Variants in TDRD9 observed in about 807,000 individuals in gnomAD.
TDRD9 encodes the protein tudor domain containing 9.
In TDRD9, 124 loss-of-function variants were observed where a neutral mutation model predicts 172.6. That is an observed-to-expected ratio of 0.72 (90% CI 0.62 to 0.83). TDRD9 has a LOEUF of 0.83. Among genes scored for constraint, TDRD9 ranks in the 40% least tolerant of loss-of-function variants. The probability of loss-of-function intolerance (pLI) is 0.00; values close to 1 mark genes in which losing one functional copy is unlikely to be tolerated. For missense variants in TDRD9, 1,479 were observed against 1,714.1 expected, an observed-to-expected ratio of 0.86 and a Z score of 2.42; for synonymous variants, 619 against 617.1, an observed-to-expected ratio of 1.00 and a Z score of -0.05.
intron 7 of TDRD9, among the ~76,000 whole-genome samples, chr14:103,977,408 G>T (rs1198760164): frequency 7.2e-6 from 1 of 138,578 alleles, no homozygotes; most frequent in Non-Finnish European, 1.5e-5. Flanking sequence ...CAGGAGAATG[G>T]CATGAACCCG....
chr14:104,016,893 C>T (rs756596973), intron 22 of TDRD9, among the ~76,000 whole-genome samples: 1 of 152,100 alleles, frequency 6.6e-6, no homozygotes, highest in Non-Finnish European at 1.5e-5. Flanking sequence ...AAATAAATAG[C>T]TCATAAGGAA....
rs767939754 is a variant in TDRD9 at position 103,995,808 on chromosome 14, G to C, written c.1378+1G>C. The stretch of plus-strand genomic sequence containing the variant: ...GTCACAGTTCCAGATGTCAAATATG[G>C]TAAGATACTTCTCCGTTTACCTCCT... On this transcript the variant is annotated splice_donor_variant, in intron 12 of 35. Coordinates refer to ENST00000409874, the MANE Select transcript of TDRD9 (RefSeq NM_153046.3). LOFTEE classifies it high-confidence loss of function. 2 of 1,606,908 alleles carry C rather than the reference G, an allele frequency of 1.2e-6. No homozygotes were observed. Among genetic ancestry groups the C allele is most frequent in the East Asian group, 4.5e-5 (2 of 44,650 alleles).
At chr14:104,047,562 A>G (rs1423600330) in intron 34 of TDRD9, among the ~76,000 whole-genome samples, 2 of 151,922 alleles carry the variant, frequency 1.3e-5, no homozygotes, top group Admixed American at 6.6e-5. Flanking sequence ...TTTTTCAAAT[A>G]TTTTTTTCTG....
rs73356331 is a variant in TDRD9 at position 104,042,031 on chromosome 14, G to A, written c.3856-38G>A. The A allele has an allele frequency of 2.0e-3, 2,549 of 1,277,396 alleles. 39 individuals carry two copies. The African/African-American group carries it at 0.032, about 16-fold the overall frequency. 79.1% of individuals were successfully genotyped at this position (1,277,396 alleles called of 1,614,324 possible). A position where few individuals can be genotyped will look rare whatever the true frequency, so the allele number is the denominator to read the frequency against. On this transcript the variant is annotated intron_variant, in intron 33 of 35. Transcript: ENST00000409874. Reference sequence around the variant, plus strand: ...TAACGGGATGAAATTCAGTTACGACGGAGCCTTATGAGTGTTTATGTTGCT... The same window carrying A: ...TAACGGGATGAAATTCAGTTACGACAGAGCCTTATGAGTGTTTATGTTGCT...
chr14:103,964,533 G>GT (rs1429014860), intron 3 of TDRD9, among the ~76,000 whole-genome samples: 2 of 147,086 alleles, frequency 1.4e-5, no homozygotes, highest in East Asian at 3.9e-4. Flanking sequence ...TTGTTTTTTT[G>GT]TTTGTTTGTT....
At chr14:103,967,520 G>A (rs915460237) in intron 5 of TDRD9, among the ~76,000 whole-genome samples, 10 of 152,038 alleles carry the variant, frequency 6.6e-5, no homozygotes, top group Non-Finnish European at 8.8e-5. Flanking sequence ...GTGAGACTGC[G>A]TTGGAAAACA....
chr14:103,944,558 A>G (rs111470001), intron 1 of TDRD9, among the ~76,000 whole-genome samples: 2,895 of 99,830 alleles, frequency 0.029, 62 homozygotes, highest in East Asian at 0.095. Flanking sequence ...TTCTCTCTCC[A>G]CCCCGCCCCC....
intron 2 of TDRD9, among the ~76,000 whole-genome samples, chr14:103,956,832 A>G (rs1196980098): frequency 2.6e-5 from 4 of 152,110 alleles, no homozygotes; most frequent in African/African-American, 9.7e-5. Context: ...TGAGCAAATT[A>G]TCTTACTAGC....
intron 1 of TDRD9, chr14:103,939,741 G>GTGTTTTT (rs1555362783): frequency 4.3e-4 from 2 of 4,656 alleles, no homozygotes; most frequent in Non-Finnish European, 9.5e-4. Context: ...TTGAAAAAAA[G>GTGTTTTT]TGTTTTTTTT....
At chr14:104,030,870 C>T (rs937313082) in intron 28 of TDRD9, among the ~76,000 whole-genome samples, 1 of 152,098 alleles carries the variant, frequency 6.6e-6, no homozygotes, top group Non-Finnish European at 1.5e-5. Context: ...GGAGATATAC[C>T]TAATGCTAAA....
At chr14:103,979,670 G>A in intron 7 of TDRD9, among the ~76,000 whole-genome samples, 1 of 152,192 alleles carries the variant, frequency 6.6e-6, no homozygotes, top group East Asian at 1.9e-4. Context: ...GTCAACATGA[G>A]ATTTGGAGGG....
At chr14:104,020,562 TCAGG>T (rs2034922299) in intron 23 of TDRD9, among the ~76,000 whole-genome samples, 1 of 152,090 alleles carries the variant, frequency 6.6e-6, no homozygotes, top group Admixed American at 6.5e-5. Context: ...AGGGCATGAA[TCAGG>T]CAGTGGGTGG....
rs141634272 is a variant in TDRD9, at chr14:103,930,496, T to TA, written c.215+1773dup. ...TGGCTTTATTTTTCTTTTTTAAAGT[T>TA]ACTCTTGTTTGTTAGTCTTGTCTGA... On this transcript the variant is annotated intron_variant, in intron 1 of 35. Transcript: ENST00000409874. 9.6e-3 allele frequency among the ~76,000 whole-genome samples: 1,461 copies of TA among 152,332 alleles called. 23 individuals carry two copies. Among genetic ancestry groups the TA allele is most frequent in the African/African-American group, 0.034 (1,403 of 41,564 alleles).
intron 7 of TDRD9, among the ~76,000 whole-genome samples, chr14:103,981,773 A>T (rs1254207469): frequency 1.3e-5 from 2 of 152,250 alleles, no homozygotes; most frequent in African/African-American, 4.8e-5. Flanking sequence ...TATGTAACTT[A>T]TTGAATACTG....
Position 104,008,399 on chromosome 14 carries a change from T to C in TDRD9, c.2053-14T>C, listed in dbSNP as rs774840420. Reference sequence around the variant, plus strand: ...TACCTTAATATTGAGTATTCTGCTTTTATATATTTAAAGGATGAACTTAAT... The same window carrying C: ...TACCTTAATATTGAGTATTCTGCTTCTATATATTTAAAGGATGAACTTAAT... On this transcript the variant is annotated splice_polypyrimidine_tract_variant and intron_variant, in intron 19 of 35. Coordinates refer to ENST00000409874, the MANE Select transcript of TDRD9 (RefSeq NM_153046.3). 7.1e-7 allele frequency: 1 copy of C among 1,400,008 alleles called. No homozygotes were observed. Among genetic ancestry groups the C allele is most frequent in the South Asian group, 1.2e-5 (1 of 84,550 alleles). The allele number at this position is 1,400,008 out of a possible 1,614,324, so 86.7% of individuals were successfully genotyped here.
At chr14:104,006,930 C>T in intron 18 of TDRD9, 85 bp downstream of exon 18, 1 of 1,209,652 alleles carries the variant, frequency 8.3e-7, no homozygotes, top group South Asian at 1.3e-5. Flanking sequence ...GAGGTAGAGA[C>T]AGACAATGTT....
At chr14:103,966,167 C>A (rs1234257120) in intron 4 of TDRD9, among the ~76,000 whole-genome samples, 3 of 151,988 alleles carry the variant, frequency 2.0e-5, no homozygotes, top group African/African-American at 7.3e-5. Flanking sequence ...CCCCTCTCTA[C>A]TAAAAATACA....
chr14:103,933,161 T>G (rs906351184), intron 1 of TDRD9, among the ~76,000 whole-genome samples: 1 of 152,248 alleles, frequency 6.6e-6, no homozygotes, highest in South Asian at 2.1e-4. Flanking sequence ...TGATTATTCT[T>G]TCTGTTATCC....
Position 104,026,952 on chromosome 14 carries a change from G to T in TDRD9, c.3282+13G>T. 2 of 1,610,108 alleles carry T rather than the reference G, an allele frequency of 1.2e-6. No individual in the cohort carries two copies. The highest frequency in any genetic ancestry group is 2.2e-5 in the South Asian group (2 of 90,986). On this transcript the variant is annotated intron_variant, in intron 28 of 35. Transcript: ENST00000409874. ...CTACGAGTCCAAGGTGTGTGCTTTCGCCGTTGCTGGAGCACGCGTTTGTGT... is the reference window on the plus strand; with the variant it reads ...CTACGAGTCCAAGGTGTGTGCTTTCTCCGTTGCTGGAGCACGCGTTTGTGT...
Sources: allele counts gnomAD v4.1 joint callset (sites outside exome capture counted in the v4.1 genomes callset), GRCh38; gene constraint gnomAD v4.1.1; transcripts MANE v1.5; gene names NCBI Gene and HGNC (gene_info 2026-07-23, HGNC 2026-07-21).